DCAF10: variants seen among roughly 807,000 people sequenced by gnomAD.
DCAF10 encodes the protein DDB1 and CUL4 associated factor 10.
A neutral mutation model predicts 51.9 loss-of-function variants in DCAF10; 19 were observed. The ratio of observed to expected loss-of-function variants is 0.37; its 90% CI spans 0.26 to 0.54. DCAF10 has a LOEUF of 0.54. DCAF10 is among the 20% of genes least tolerant of loss of function. The pLI is 0.87. For missense variants in DCAF10, 510 were observed against 730.6 expected (o/e 0.70, Z 3.48); for synonymous variants, 291 against 297.1 (o/e 0.98, Z 0.21).
At chr9:37,813,225 G>A (rs1225559502) in intron 1 of DCAF10, among the ~76,000 whole-genome samples, 1 of 151,898 alleles carries the variant, frequency 6.6e-6, no homozygotes, top group Non-Finnish European at 1.5e-5. Flanking sequence ...CTGTCTCCTG[G>A]GCAGCTAGGA....
chr9:37,824,633 A>G (rs1369050135), intron 2 of DCAF10, among the ~76,000 whole-genome samples: 2 of 152,098 alleles, frequency 1.3e-5, no homozygotes, highest in Admixed American at 6.5e-5. Context: ...TTCCAAATAT[A>G]TGAGTAGTTC....
intron 2 of DCAF10, among the ~76,000 whole-genome samples, chr9:37,824,311 A>T (rs1476709333): frequency 6.6e-6 from 1 of 152,142 alleles, no homozygotes; most frequent in Non-Finnish European, 1.5e-5. Flanking sequence ...TGCACGGGGG[A>T]GTTTTGTTAA....
At chr9:37,818,283 C>G (rs1027607972) in intron 1 of DCAF10, among the ~76,000 whole-genome samples, 1 of 152,156 alleles carries the variant, frequency 6.6e-6, no homozygotes, top group African/African-American at 2.4e-5. Flanking sequence ...CGTGGGCCAC[C>G]GCACCCGGCC....
chr9:37,801,208 G>A lies in DCAF10; in HGVS notation c.342G>A (p.Ala114=). ...GCCGGGGCCGACACGGCCTCGGCGC[G>A]GGCCTGGGCGGCCCTGGCGCTAGGC... ...AKSRGRHGLG[A]GLGGPGARLF... Residue 114 remains alanine (A), a synonymous_variant, in exon 1 of 7, where the codon GCG becomes GCA. Coordinates refer to ENST00000377724, the MANE Select transcript of DCAF10 (RefSeq NM_024345.5). The surrounding 1 kb of genome is among the most constrained non-coding windows in gnomAD (Gnocchi z 5.5). 7 of 1,555,034 alleles carry A rather than the reference G, an allele frequency of 4.5e-6. No individual in the cohort carries two copies. The highest frequency in any genetic ancestry group is 6.1e-6 in the Non-Finnish European group (7 of 1,153,012).
At chr9:37,817,738 CAA>C (rs112061947) in intron 1 of DCAF10, among the ~76,000 whole-genome samples, 2 of 143,778 alleles carry the variant, frequency 1.4e-5, no homozygotes, top group African/African-American at 2.5e-5. Context: ...CCATCTCCAC[CAA>C]AAAAAAAAGT....
At position 37,861,445 on chromosome 9, in the gene DCAF10, A is replaced by G. The variant is rs764535854; in HGVS notation, c.1617A>G (p.Thr539=). ...DVVLTTKFSP[T]HCQIASGCLS... is the part of the protein sequence containing the mutation. ...TACTGACAACAAAGTTCTCTCCAAC[A>G]CATTGTCAGATTGCCTCAGGGTGCC... The change falls in exon 7 of 7, where the codon ACA becomes ACG. Residue 539 remains threonine, a synonymous_variant. Coordinates refer to ENST00000377724, the MANE Select transcript of DCAF10 (RefSeq NM_024345.5). The surrounding 1 kb of genome is among the most constrained non-coding windows in gnomAD (Gnocchi z 4.9). 5 of 1,614,120 alleles carry G rather than the reference A, an allele frequency of 3.1e-6. No homozygotes were observed. The highest frequency in any genetic ancestry group is 4.2e-6 in the Non-Finnish European group (5 of 1,179,976).
rs1831152708 is a variant in DCAF10, at chr9:37,867,126, A to G, written c.*5618A>G. 6.6e-6 allele frequency: 1 copy of G among 152,180 alleles called. No individual in the cohort carries two copies. Among genetic ancestry groups the G allele is most frequent in the African/African-American group, 2.4e-5 (1 of 41,452 alleles). The allele number at this position is 152,180 out of a possible 1,614,324, so 9.4% of individuals were successfully genotyped here. On this transcript the variant is annotated 3_prime_UTR_variant, in exon 7 of 7. Coordinates refer to ENST00000377724, the MANE Select transcript of DCAF10 (RefSeq NM_024345.5). ...AAATTACTGTCAAAAGGAAAATCTC[A>G]AAGTTACCATTACGCTGCTCTCTTG...
At chr9:37,854,159 G>A (rs969062504) in intron 3 of DCAF10, among the ~76,000 whole-genome samples, 28 of 151,454 alleles carry the variant, frequency 1.8e-4, no homozygotes, top group African/African-American at 4.9e-4. Context: ...GAGTGCAGTC[G>A]TGTGATCATA....
rs1158976967 is a variant in DCAF10 at position 37,866,276 on chromosome 9, G to A, written c.*4768G>A. Reference sequence around the variant, plus strand: ...TTCCTGCCTTCTTCTTAAACATCATGCTCAGTATAATTCACATTTTCATGA... The same window carrying A: ...TTCCTGCCTTCTTCTTAAACATCATACTCAGTATAATTCACATTTTCATGA... On this transcript the variant is annotated 3_prime_UTR_variant, in exon 7 of 7. Transcript: ENST00000377724. 6.6e-6 allele frequency: 1 copy of A among 152,500 alleles called. No homozygotes were observed. Among genetic ancestry groups the A allele is most frequent in the Non-Finnish European group, 1.5e-5 (1 of 68,004 alleles). 9.4% of individuals were successfully genotyped at this position (152,500 alleles called of 1,614,324 possible).
Position 37,842,104 on chromosome 9 carries a change from G to T in DCAF10, c.669G>T (p.Arg223=), listed in dbSNP as rs1830353225. The T allele has an allele frequency of 6.2e-7, 1 of 1,606,704 alleles. No homozygotes were observed. Among genetic ancestry groups the T allele is most frequent in the Non-Finnish European group, 8.5e-7 (1 of 1,178,054 alleles). ...CVNNIRFLDN[R]LFATCSDDTT... ...GCTTTTATAGATTTCTTGATAACCGGCTGTTTGCTACCTGCTCTGATGACA... is the reference window on the plus strand; with the variant it reads ...GCTTTTATAGATTTCTTGATAACCGTCTGTTTGCTACCTGCTCTGATGACA... The change falls in exon 3 of 7, where the codon CGG becomes CGT. Residue 223 remains arginine, a synonymous_variant. Transcript: ENST00000377724.
At chr9:37,825,945 G>T (rs1829838858) in intron 2 of DCAF10, among the ~76,000 whole-genome samples, 2 of 152,144 alleles carry the variant, frequency 1.3e-5, no homozygotes, top group South Asian at 4.1e-4. Flanking sequence ...TGAGGCAGGA[G>T]AATCGCTGGA....
chr9:37,811,175 T>G (rs1386599549), intron 1 of DCAF10, among the ~76,000 whole-genome samples: 1 of 151,740 alleles, frequency 6.6e-6, no homozygotes. Context: ...CTGCAAAAAA[T>G]CTAAAAATTA....
At chr9:37,851,076 T>G in intron 3 of DCAF10, among the ~76,000 whole-genome samples, 1 of 151,438 alleles carries the variant, frequency 6.6e-6, no homozygotes, top group Non-Finnish European at 1.5e-5. Flanking sequence ...AAACCTTGTC[T>G]GTACTGAAAA....
intron 1 of DCAF10, among the ~76,000 whole-genome samples, chr9:37,803,379 C>G (rs1004355542): frequency 6.6e-6 from 1 of 151,752 alleles, no homozygotes; most frequent in Non-Finnish European, 1.5e-5. Flanking sequence ...TAACATTTTT[C>G]ATTAGTTTAA....
intron 1 of DCAF10, among the ~76,000 whole-genome samples, chr9:37,808,495 A>ATATATAAAACATATATTTATATAATATAT (rs1829195747): frequency 3.9e-5 from 5 of 127,956 alleles, no homozygotes; most frequent in Non-Finnish European, 7.8e-5. Context: ...TAATATATAA[A>ATATATAAAACATATATTTATATAATATAT]TATATAAAAC....
intron 3 of DCAF10, among the ~76,000 whole-genome samples, chr9:37,847,097 T>C (rs1392192205): frequency 1.3e-5 from 2 of 150,858 alleles, no homozygotes; most frequent in African/African-American, 2.4e-5. Flanking sequence ...CTACTAAAAA[T>C]ACAAAATTAG....
At chr9:37,809,093 G>GAA (rs60046914) in intron 1 of DCAF10, among the ~76,000 whole-genome samples, 23,961 of 97,682 alleles carry the variant, frequency 0.25, 2,189 homozygotes, top group African/African-American at 0.32. Context: ...CTGTCTCAAA[G>GAA]AAAAAAAAAA....
At position 37,836,141 on chromosome 9, in the gene DCAF10, G is replaced by C; in HGVS notation, c.654-5948G>C. The C allele has an allele frequency of 2.9e-6, 4 of 1,365,542 alleles. No homozygotes were observed. The Admixed American group carries it at 5.0e-5, about 17-fold the overall frequency. The allele number at this position is 1,365,542 out of a possible 1,614,324, so 84.6% of individuals were successfully genotyped here. A position where few individuals can be genotyped will look rare whatever the true frequency, so the allele number is the denominator to read the frequency against. ...TACACGAACCTCCAAGGAAAATAGA[G>C]CGATTTACTCTTCTCATATCAGTGC... On this transcript the variant is annotated intron_variant, in intron 2 of 6. Coordinates refer to ENST00000377724, the MANE Select transcript of DCAF10 (RefSeq NM_024345.5).
chr9:37,842,040 T>A (rs536024701), intron 2 of DCAF10, 49 bp from the exon 3 acceptor site: 1 of 1,557,200 alleles, frequency 6.4e-7, no homozygotes, highest in South Asian at 1.2e-5. Context: ...TCAATTTTCC[T>A]TTAAAAAGAG....
Sources: gnomAD v4.1 joint callset for allele counts (sites outside exome capture counted in the v4.1 genomes callset) on GRCh38, gnomAD v4.1.1 for gene constraint, Gnocchi (gnomAD v3.1) non-coding constraint, MANE v1.5 for transcripts, NCBI Gene and HGNC (gene_info 2026-07-23, HGNC 2026-07-21) for gene names.